Variants in CEP68 observed in about 807,000 individuals in gnomAD.
CEP68 encodes centrosomal protein of 68 kDa.
Under a neutral mutation model 55.3 loss-of-function variants are expected in CEP68, and 26 were observed. That is an observed-to-expected ratio of 0.47 (90% confidence interval 0.34 to 0.65). CEP68 has a LOEUF of 0.65. Among genes scored for constraint, CEP68 ranks in the 30% least tolerant of loss-of-function variants. CEP68 has a pLI of 0.01. For synonymous variants in CEP68, 402 were observed against 383.2 expected (o/e 1.05, Z -0.57); for missense variants, 957 against 946.7 (o/e 1.01, Z -0.14).
chr2:65,058,122 A>T (rs1675735443), intron 1 of CEP68, among the ~76,000 whole-genome samples: 1 of 152,230 alleles, frequency 6.6e-6, no homozygotes, highest in African/African-American at 2.4e-5. Context: ...TAGGAGAAAA[A>T]TAAATGGATA....
chr2:65,071,665 C>T lies in CEP68; in HGVS notation c.569C>T (p.Ala190Val). The T allele has an allele frequency of 6.2e-7, 1 of 1,614,210 alleles. No homozygotes were observed. Among genetic ancestry groups the T allele is most frequent in the African/African-American group, 1.3e-5 (1 of 75,062 alleles). ...AAGTCCGTGCTGAGCCCAGGTTCCGCAGCTCAGCCTTCCAGCTGCAGCATC... is the reference window on the plus strand; with the variant it reads ...AAGTCCGTGCTGAGCCCAGGTTCCGTAGCTCAGCCTTCCAGCTGCAGCATC... The part of the protein sequence containing the change: ...QWKSVLSPGS[A>V]AQPSSCSISA... Residue 190 changes from alanine (A) to valine (V), a missense_variant, in exon 3 of 7, where the codon GCA becomes GTA. Transcript: ENST00000377990.
At chr2:65,066,675 C>CTCTGCACCACTGCACT (rs1381590798) in intron 1 of CEP68, among the ~76,000 whole-genome samples, 2 of 134,404 alleles carry the variant, frequency 1.5e-5, no homozygotes, top group Non-Finnish European at 3.1e-5. Context: ...TGCAGTGAGC[C>CTCTGCACCACTGCACT]GAGATCACAC....
In CEP68 at chr2:65,075,851, A is replaced by G. The variant is rs1001220500; in HGVS notation, c.2007+1447A>G. Among the ~76,000 whole-genome samples, 15 of 152,168 alleles carry G rather than the reference A, an allele frequency of 9.9e-5. No homozygotes were observed. In the South Asian group the frequency reaches 2.1e-3, roughly 21 times the overall value. On this transcript the variant is annotated intron_variant, in intron 4 of 6. Transcript: ENST00000377990. ...CATATCTTCAGCAGCAGAGGACACA[A>G]TTTACATGTGCTTGGGCCAGGGCTG...
intron 1 of CEP68, among the ~76,000 whole-genome samples, chr2:65,060,831 G>A (rs1675878008): frequency 6.6e-6 from 1 of 152,154 alleles, no homozygotes; most frequent in Non-Finnish European, 1.5e-5. Flanking sequence ...GTTGAGGGGA[G>A]GAGTAGCTGG....
In CEP68 at chr2:65,077,908, A is replaced by G. The variant is rs765646512; in HGVS notation, c.2048A>G (p.Glu683Gly). ...KDIDEHQSLT[E>G]SVLQKGEILL... ...ATAGATGAACATCAGTCTCTGACGG[A>G]GAGTGTCTTACAGAAGGGGGAGATT... The change falls in exon 5 of 7, where the codon GAG (glutamate) becomes GGG (glycine). Residue 683 changes from glutamate to glycine, a missense_variant. By Grantham distance (98) the Glu-to-Gly change is moderately conservative (BLOSUM62 -2). Transcript: ENST00000377990. The G allele has an allele frequency of 8.1e-6, 13 of 1,614,036 alleles. No individual in the cohort carries two copies. The highest frequency in any genetic ancestry group is 1.1e-5 in the Non-Finnish European group (13 of 1,179,908).
intron 1 of CEP68, among the ~76,000 whole-genome samples, chr2:65,062,836 CAA>C (rs11348987): frequency 4.0e-4 from 59 of 149,260 alleles, no homozygotes; most frequent in African/African-American, 1.2e-3. Context: ...GACTCTATCT[CAA>C]AAAAAAAAAT....
At chr2:65,075,442 G>A (rs1374965608) in intron 4 of CEP68, among the ~76,000 whole-genome samples, 2 of 152,066 alleles carry the variant, frequency 1.3e-5, no homozygotes, top group Non-Finnish European at 1.5e-5. Context: ...GTGTGCGTGT[G>A]TATGTATTTG....
Position 65,082,608 on chromosome 2 carries a change from ACT to A in CEP68, c.2180_2181del (p.Ser727TyrfsTer16). 6.2e-7 allele frequency: 1 copy of A among 1,611,186 alleles called. No individual in the cohort carries two copies. Among genetic ancestry groups the A allele is most frequent in the Non-Finnish European group, 8.5e-7 (1 of 1,178,830 alleles). On this transcript the variant is annotated frameshift_variant, in exon 6 of 7. Transcript: ENST00000377990. LOFTEE classifies it high-confidence loss of function. ...GAGAGCCACGCAGATCGCCTGTATG[ACT>A]CTATCTTGGCCTCTCTGGACATGCT...
Position 65,069,727 on chromosome 2 carries a change from T to G in CEP68, c.283T>G (p.Ser95Ala). The G allele has an allele frequency of 3.1e-6, 5 of 1,613,940 alleles. No homozygotes were observed. Among genetic ancestry groups the G allele is most frequent in the Non-Finnish European group, 4.2e-6 (5 of 1,179,996 alleles). ...CAACAGAGAGCCCGTAGCTGAGAGG[T>G]CTGAGCCTGCACTCAGTGGCCTGCC... ...DANREPVAER[S>A]EPALSGLPPA... Residue 95 changes from serine to alanine, a missense_variant, in exon 2 of 7, where the codon TCT becomes GCT. Transcript: ENST00000377990.
Position 65,072,888 on chromosome 2 carries a change from G to C in CEP68, c.1792G>C (p.Asp598His), listed in dbSNP as rs762205567. Residue 598 changes from aspartate to histidine, a missense_variant, in exon 3 of 7, where the codon GAC (aspartate) becomes CAC (histidine). Coordinates refer to ENST00000377990, the MANE Select transcript of CEP68 (RefSeq NM_015147.3). Reference protein sequence around the residue: ...KTRPSLPARLDRWPFSDPDVE... With the variant: ...KTRPSLPARLHRWPFSDPDVE... ...ACGCCCCTCCTTGCCAGCTAGGTTG[G>C]ACCGGTGGCCATTCTCAGACCCAGA... The C allele has an allele frequency of 1.9e-6, 3 of 1,614,212 alleles. No homozygotes were observed. In the South Asian group the frequency reaches 3.3e-5, roughly 18 times the overall value.
At chr2:65,069,035 C>T (rs1322229934) in intron 1 of CEP68, among the ~76,000 whole-genome samples, 1 of 152,092 alleles carries the variant, frequency 6.6e-6, no homozygotes, top group Non-Finnish European at 1.5e-5. Context: ...GGCCTGTGCA[C>T]AGGAAGGGTC....
intron 2 of CEP68, chr2:65,070,976 G>A (rs1257701176): frequency 1.2e-5 from 2 of 161,082 alleles, no homozygotes; most frequent in Non-Finnish European, 2.7e-5. Context: ...AAAAAATTCA[G>A]TGAAGAAGCT....
intron 5 of CEP68, among the ~76,000 whole-genome samples, chr2:65,081,471 T>C (rs1012005987): frequency 6.6e-6 from 1 of 152,068 alleles, no homozygotes; most frequent in Non-Finnish European, 1.5e-5. Flanking sequence ...TACTGACAGA[T>C]GTTACAGCTG....
At chr2:65,066,751 T>A (rs1339480260) in intron 1 of CEP68, among the ~76,000 whole-genome samples, 128 of 77,656 alleles carry the variant, frequency 1.6e-3, no homozygotes, top group African/African-American at 6.1e-3. Context: ...AAAAAATATA[T>A]ATATATATAT....
chr2:65,082,976 C>G (rs1266323070), intron 6 of CEP68, among the ~76,000 whole-genome samples: 1 of 152,190 alleles, frequency 6.6e-6, no homozygotes, highest in East Asian at 1.9e-4. Context: ...TCTTCACCAC[C>G]AACCCTGCCA....
chr2:65,062,633 C>G (rs1046168834), intron 1 of CEP68, among the ~76,000 whole-genome samples: 2 of 151,340 alleles, frequency 1.3e-5, no homozygotes, highest in Admixed American at 6.6e-5. Flanking sequence ...CTCAGGAGTT[C>G]GAGACCAGCC....
intron 5 of CEP68, among the ~76,000 whole-genome samples, chr2:65,078,716 G>T (rs567805479): frequency 4.6e-4 from 70 of 151,580 alleles, no homozygotes; most frequent in East Asian, 3.9e-4. Context: ...TATTTTTTTT[G>T]TGTTTTTAGT....
chr2:65,082,783 G>GT (rs1668894139), intron 6 of CEP68, 74 bp downstream of exon 6: 2 of 1,239,810 alleles, frequency 1.6e-6, no homozygotes, highest in Non-Finnish European at 2.2e-6. Context: ...TTAGAAGCTT[G>GT]TTGAGCCAAG....
intron 1 of CEP68, among the ~76,000 whole-genome samples, chr2:65,065,313 G>C (rs1676113333): frequency 6.6e-6 from 1 of 152,182 alleles, no homozygotes; most frequent in East Asian, 1.9e-4. Flanking sequence ...GTTTGGACTA[G>C]CAAAAAAGAC....
Sources: gnomAD v4.1 joint callset for allele counts (sites outside exome capture counted in the v4.1 genomes callset) on GRCh38, gnomAD v4.1.1 for gene constraint, MANE v1.5 for transcripts, NCBI Gene and HGNC (gene_info 2026-07-23, HGNC 2026-07-21) for gene names.